The following RBFOX3 variants were observed in gnomAD, a reference collection of about 807,000 sequenced individuals.
The protein encoded by RBFOX3 is RNA binding fox-1 homolog 3.
RBFOX3 carries 17 observed loss-of-function variants against 48.7 expected under a neutral mutation model. The ratio of observed to expected loss-of-function variants is 0.35; its 90% CI spans 0.24 to 0.52. The LOEUF is 0.52. Ranked by LOEUF, RBFOX3 falls within the 20% of genes least tolerant of loss-of-function variation. The pLI is 0.94. For synonymous variants in RBFOX3, 212 were observed against 209.5 expected (o/e 1.01, Z -0.10); for missense variants, 382 against 497.5 (o/e 0.77, Z 2.21).
At chr17:79,335,084 G>A (rs1211648240) in intron 2 of RBFOX3, among the ~76,000 whole-genome samples, 2 of 152,334 alleles carry the variant, frequency 1.3e-5, no homozygotes, top group Non-Finnish European at 2.9e-5. Flanking sequence ...CACTGTGTCT[G>A]CCTCTGCATC....
At chr17:79,287,992 G>A (rs147714426) in intron 3 of RBFOX3, among the ~76,000 whole-genome samples, 309 of 152,244 alleles carry the variant, frequency 2.0e-3, no homozygotes, top group African/African-American at 6.9e-3. Flanking sequence ...AACCCCTCTC[G>A]GGCTCCACAT....
intron 2 of RBFOX3, among the ~76,000 whole-genome samples, chr17:79,332,451 C>A (rs1408287855): frequency 4.6e-5 from 7 of 151,870 alleles, no homozygotes; most frequent in Non-Finnish European, 8.8e-5. Context: ...GCTCTGGGGT[C>A]CACGTGAGCA....
intron 1 of RBFOX3, among the ~76,000 whole-genome samples, chr17:79,550,562 C>T (rs996402877): frequency 6.7e-4 from 102 of 152,206 alleles, no homozygotes; most frequent in African/African-American, 2.4e-3. Flanking sequence ...TAATCATTTA[C>T]GGAATGACGG....
chr17:79,447,031 C>T (rs565243167), intron 2 of RBFOX3, among the ~76,000 whole-genome samples: 15 of 152,242 alleles, frequency 9.9e-5, no homozygotes, highest in Middle Eastern at 3.2e-3. Flanking sequence ...GAGGCTGGGG[C>T]CCGTGTCAAC....
chr17:79,323,309 A>C (rs919351561), intron 2 of RBFOX3, among the ~76,000 whole-genome samples: 2 of 152,198 alleles, frequency 1.3e-5, no homozygotes, highest in Non-Finnish European at 2.9e-5. Context: ...TGGAGAGTTT[A>C]TTTCCAGGAG....
At chr17:79,138,364 C>T (rs556906883) in intron 4 of RBFOX3, among the ~76,000 whole-genome samples, 55 of 152,230 alleles carry the variant, frequency 3.6e-4, no homozygotes, top group African/African-American at 1.3e-3. Context: ...TGTGAACACC[C>T]GCACGCACAC....
At chr17:79,293,329 C>T (rs2073702449) in intron 3 of RBFOX3, among the ~76,000 whole-genome samples, 1 of 151,210 alleles carries the variant, frequency 6.6e-6, no homozygotes, top group Admixed American at 6.6e-5. Flanking sequence ...TCTTTCCTTC[C>T]CTGCCTCCCT....
chr17:79,216,989 A>G (rs1275563645), intron 4 of RBFOX3, among the ~76,000 whole-genome samples: 1 of 152,114 alleles, frequency 6.6e-6, no homozygotes, highest in Non-Finnish European at 1.5e-5. Context: ...CCCCAGGTGA[A>G]ACATCCGAAG....
rs1041057700 is a variant in RBFOX3, at chr17:79,143,492, C to G, written c.-33-27744G>C. The stretch of plus-strand genomic sequence containing the variant: ...TGCCCCCACAGCTCAGAAGCCAACC[C>G]ACCCACAGCGTGGGGGTCTCCTCCC... On this transcript the variant is annotated intron_variant, in intron 4 of 14. Coordinates refer to ENST00000693108, the MANE Select transcript of RBFOX3 (RefSeq NM_001350451.2). 2.6e-5 allele frequency among the ~76,000 whole-genome samples: 4 copies of G among 152,154 alleles called. 1 individual carries two copies. Among genetic ancestry groups the G allele is most frequent in the Non-Finnish European group, 5.9e-5 (4 of 68,022 alleles).
chr17:79,190,414 CAA>C (rs71161650), intron 4 of RBFOX3, among the ~76,000 whole-genome samples: 1 of 93,524 alleles, frequency 1.1e-5, no homozygotes, highest in Non-Finnish European at 2.1e-5. Context: ...TCTGTCTCAC[CAA>C]AAAAAAAAAA....
intron 3 of RBFOX3, among the ~76,000 whole-genome samples, chr17:79,304,575 GC>G (rs1568009028): frequency 6.6e-6 from 1 of 151,310 alleles, no homozygotes; most frequent in East Asian, 1.9e-4. Context: ...GTTATTTCTG[GC>G]AGATTGTTAC....
rs555941868 is a variant in RBFOX3 at position 79,111,655 on chromosome 17, G to C, written c.222+3839C>G. 2.0e-5 allele frequency among the ~76,000 whole-genome samples: 3 copies of C among 152,284 alleles called. No individual in the cohort carries two copies. The South Asian group carries it at 6.2e-4, about 32-fold the overall frequency. On this transcript the variant is annotated intron_variant, in intron 5 of 14. Transcript: ENST00000693108. This position sits in a 1 kb window ranked among gnomAD's most constrained non-coding sequence, Gnocchi z 4.2. ...CCACCATCTTGGCCAGGCTGGTCTG[G>C]AAGTCCTGACTTCGTGATCCACCTG...
chr17:79,319,890 T>TTCTGGGCTGCTGGTCTATG (rs1161617216), intron 2 of RBFOX3, among the ~76,000 whole-genome samples: 6 of 21,570 alleles, frequency 2.8e-4, no homozygotes, highest in Admixed American at 2.2e-3. Flanking sequence ...TGCTGGTCCT[T>TTCTGGGCTGCTGGTCTATG]TCTGGGCTGC....
In RBFOX3 at chr17:79,106,745, G is replaced by A; in HGVS notation, c.266C>T (p.Pro89Leu). 4 of 1,524,280 alleles carry A rather than the reference G, an allele frequency of 2.6e-6. No homozygotes were observed. Among genetic ancestry groups the A allele is most frequent in the Non-Finnish European group, 3.5e-6 (4 of 1,136,476 alleles). 94.4% of individuals were successfully genotyped at this position (1,524,280 alleles called of 1,614,324 possible). The change falls in exon 6 of 15, where the codon CCC (proline) becomes CTC (leucine). Residue 89 changes from proline to leucine, a missense_variant. Coordinates refer to ENST00000693108, the MANE Select transcript of RBFOX3 (RefSeq NM_001350451.2). ...AAQTDSQPLH[P>L]SDPTEKQQPK... ...CTGCTGCTTCTCTGTAGGGTCGGAG[G>A]GGTGGAGCGGCTGGCTGTCCGTCTG...
At chr17:79,117,173 C>A (rs372979652) in intron 4 of RBFOX3, among the ~76,000 whole-genome samples, 76 of 152,380 alleles carry the variant, frequency 5.0e-4, no homozygotes, top group East Asian at 1.2e-3. Flanking sequence ...CACTCGCCCC[C>A]CCAGGAGTCT....
At chr17:79,558,308 T>C (rs1795747931) in intron 1 of RBFOX3, among the ~76,000 whole-genome samples, 1 of 152,128 alleles carries the variant, frequency 6.6e-6, no homozygotes, top group South Asian at 2.1e-4. Context: ...AAATATTTGC[T>C]AACACAGAGA....
rs55793557 is a variant in RBFOX3 at position 79,122,712 on chromosome 17, C to A, written c.-33-6964G>T. On this transcript the variant is annotated intron_variant, in intron 4 of 14. Coordinates refer to ENST00000693108, the MANE Select transcript of RBFOX3 (RefSeq NM_001350451.2). The stretch of plus-strand genomic sequence containing the variant: ...GCAATCCCACCTCTGAGTATGTTCC[C>A]AAAAGAAAGGAAATCAGTATATGGA... Among the ~76,000 whole-genome samples the A allele has an allele frequency of 2.8e-3, 418 of 151,798 alleles. 5 individuals carry two copies. Among genetic ancestry groups the A allele is most frequent in the African/African-American group, 9.8e-3 (404 of 41,354 alleles).
At chr17:79,202,212 GCT>G (rs2056861730) in intron 4 of RBFOX3, among the ~76,000 whole-genome samples, 3 of 152,078 alleles carry the variant, frequency 2.0e-5, no homozygotes, top group African/African-American at 7.2e-5. Context: ...GCTGGACTGT[GCT>G]CTGTCCCGCT....
In RBFOX3 at chr17:79,567,445, G is replaced by A. The variant is rs1299071969; in HGVS notation, c.-320+43381C>T. On this transcript the variant is annotated intron_variant, in intron 1 of 14. Coordinates refer to ENST00000693108, the MANE Select transcript of RBFOX3 (RefSeq NM_001350451.2). ...AGTGATCTGCCCGCCTTGGCCTTCCGAAGTGCTGGGATTACAGGCGTGAGC... is the reference window on the plus strand; with the variant it reads ...AGTGATCTGCCCGCCTTGGCCTTCCAAAGTGCTGGGATTACAGGCGTGAGC... Among the ~76,000 whole-genome samples the A allele has an allele frequency of 9.2e-5, 14 of 152,124 alleles. No individual in the cohort carries two copies. In the South Asian group the frequency reaches 1.5e-3, roughly 16 times the overall value.
Sources: allele counts gnomAD v4.1 joint callset (sites outside exome capture counted in the v4.1 genomes callset), GRCh38; gene constraint gnomAD v4.1.1; non-coding constraint Gnocchi (gnomAD v3.1); transcripts MANE v1.5; gene names NCBI Gene and HGNC (gene_info 2026-07-23, HGNC 2026-07-21).